Variants in PTPRN2 observed in about 807,000 individuals in gnomAD.
The protein encoded by PTPRN2 is protein tyrosine phosphatase receptor type N2.
Under a neutral mutation model 118.8 loss-of-function variants are expected in PTPRN2, and 74 were observed. That is an observed-to-expected ratio of 0.62 (90% CI 0.52 to 0.76). The LOEUF is 0.76. PTPRN2 is among the 30% of genes least tolerant of loss of function. The pLI is 0.00. For synonymous variants in PTPRN2, 641 were observed against 608.0 expected, an observed-to-expected ratio of 1.05 and a Z score of -0.80; for missense variants, 1,481 against 1,394.4, an observed-to-expected ratio of 1.06 and a Z score of -0.99.
chr7:157,998,413 C>T (rs1804952177), intron 11 of PTPRN2, among the ~76,000 whole-genome samples: 1 of 152,218 alleles, frequency 6.6e-6, no homozygotes. Flanking sequence ...CAGCAGACCA[C>T]CTGCGTGAGA....
intron 2 of PTPRN2, among the ~76,000 whole-genome samples, chr7:158,443,169 C>T (rs967963765): frequency 5.9e-5 from 9 of 152,082 alleles, no homozygotes; most frequent in African/African-American, 2.2e-4. Flanking sequence ...GGTCACTGGG[C>T]GAGCGGGTCT....
At chr7:157,692,150 C>T (rs1293177487) in intron 12 of PTPRN2, among the ~76,000 whole-genome samples, 1 of 152,182 alleles carries the variant, frequency 6.6e-6, no homozygotes, top group African/African-American at 2.4e-5. Flanking sequence ...CTAGGCCCCC[C>T]TCTCCCACCG....
chr7:158,455,178 A>G (rs1818375290), intron 2 of PTPRN2, among the ~76,000 whole-genome samples: 1 of 152,298 alleles, frequency 6.6e-6, no homozygotes, highest in Non-Finnish European at 1.5e-5. Context: ...TCAAACATAC[A>G]CGAAAGCAGA....
At chr7:158,287,260 T>C (rs770322505) in intron 3 of PTPRN2, among the ~76,000 whole-genome samples, 60 of 152,142 alleles carry the variant, frequency 3.9e-4, no homozygotes, top group Non-Finnish European at 7.4e-4. Flanking sequence ...TTGTTTATCA[T>C]TTCAACAAAC....
rs939976151 is a variant in PTPRN2 at position 157,884,716 on chromosome 7, C to G, written c.1788+13957G>C. On this transcript the variant is annotated intron_variant, in intron 12 of 22. Coordinates refer to ENST00000389418, the MANE Select transcript of PTPRN2 (RefSeq NM_002847.5). ...GTGCAGGGAAACTGCCCTTTATAAA[C>G]CATCAGATCTCATGAGACTCATTGA... Among the ~76,000 whole-genome samples the G allele has an allele frequency of 3.3e-5, 5 of 152,320 alleles. No individual in the cohort carries two copies. The South Asian group carries it at 1.0e-3, about 32-fold the overall frequency.
rs186505088 is a variant in PTPRN2, at chr7:157,685,537, G to A, written c.1789-2600C>T. On this transcript the variant is annotated intron_variant, in intron 12 of 22. Coordinates refer to ENST00000389418, the MANE Select transcript of PTPRN2 (RefSeq NM_002847.5). Reference sequence around the variant, plus strand: ...CGCTGCCCGCGGTCACTCGGGCCAGGTGAGGGCAGGGGACGCGCGGGGGCC... The same window carrying A: ...CGCTGCCCGCGGTCACTCGGGCCAGATGAGGGCAGGGGACGCGCGGGGGCC... 4.4e-3 allele frequency among the ~76,000 whole-genome samples: 671 copies of A among 152,260 alleles called. 4 individuals carry two copies. The highest frequency in any genetic ancestry group is 0.017 in the Middle Eastern group (5 of 292).
intron 2 of PTPRN2, among the ~76,000 whole-genome samples, chr7:158,420,235 G>A (rs1211796794): frequency 1.3e-5 from 2 of 152,134 alleles, no homozygotes; most frequent in Non-Finnish European, 2.9e-5. Context: ...GCACCCCAAA[G>A]CTGCAGTGAG....
chr7:157,639,933 T>C (rs952180009), intron 14 of PTPRN2, among the ~76,000 whole-genome samples: 2 of 152,178 alleles, frequency 1.3e-5, no homozygotes, highest in African/African-American at 2.4e-5. Context: ...GACATGAAGA[T>C]AGTCTCAGTT....
chr7:158,205,775 G>A (rs1238080223), intron 3 of PTPRN2, among the ~76,000 whole-genome samples: 2 of 152,174 alleles, frequency 1.3e-5, no homozygotes, highest in Non-Finnish European at 2.9e-5. Flanking sequence ...ATGCACTTGG[G>A]AGAGAGAGCA....
chr7:158,113,985 C>T (rs2150376571), intron 9 of PTPRN2, among the ~76,000 whole-genome samples: 1 of 152,356 alleles, frequency 6.6e-6, no homozygotes. Flanking sequence ...CTCAGAGCCA[C>T]CTGGGGAGGG....
chr7:157,766,127 C>T (rs1226598323), intron 12 of PTPRN2, among the ~76,000 whole-genome samples: 4 of 149,770 alleles, frequency 2.7e-5, no homozygotes, highest in Non-Finnish European at 5.9e-5. Flanking sequence ...CATCATCCAT[C>T]TACTTATCCA....
At position 158,248,532 on chromosome 7, in the gene PTPRN2, AC is replaced by A. The variant is rs1173039522; in HGVS notation, c.278-43260del. 2.1e-5 allele frequency among the ~76,000 whole-genome samples: 3 copies of A among 146,166 alleles called. No homozygotes were observed. The East Asian group carries it at 6.1e-4, about 30-fold the overall frequency. On this transcript the variant is annotated intron_variant, in intron 3 of 22. Transcript: ENST00000389418. ...AACAAAACAAAACACTCCCACACAC[AC>A]CCCATGCACACATATCACATATGTG...
At chr7:158,096,758 G>A (rs796602197) in intron 10 of PTPRN2, among the ~76,000 whole-genome samples, 1 of 152,212 alleles carries the variant, frequency 6.6e-6, no homozygotes, top group Non-Finnish European at 1.5e-5. Flanking sequence ...TTCCTCACTT[G>A]GCAAATCCAG....
At chr7:158,498,410 G>T (rs768306043) in intron 1 of PTPRN2, among the ~76,000 whole-genome samples, 4 of 150,912 alleles carry the variant, frequency 2.7e-5, no homozygotes, top group Non-Finnish European at 5.9e-5. Context: ...TACCAGAATT[G>T]TTTGTTTTAT....
At chr7:158,244,811 AGT>A (rs1336939325) in intron 3 of PTPRN2, among the ~76,000 whole-genome samples, 2 of 141,998 alleles carry the variant, frequency 1.4e-5, no homozygotes, top group Non-Finnish European at 3.0e-5. Flanking sequence ...TGTGTGTGAG[AGT>A]GTGTATGAGT....
chr7:158,232,515 C>T (rs1389665528), intron 3 of PTPRN2, among the ~76,000 whole-genome samples: 1 of 151,958 alleles, frequency 6.6e-6, no homozygotes, highest in East Asian at 1.9e-4. Flanking sequence ...TTCTACCAAA[C>T]ATTTGAAGAA....
chr7:158,152,211 G>C (rs35659509), intron 6 of PTPRN2, among the ~76,000 whole-genome samples: 91,137 of 145,760 alleles, frequency 0.63, 29,353 homozygotes, highest in East Asian at 0.79. Flanking sequence ...CACAGAATAT[G>C]TGGTGGTGAT....
chr7:157,541,450 G>T (rs192430933), intron 22 of PTPRN2, among the ~76,000 whole-genome samples: 2 of 152,388 alleles, frequency 1.3e-5, no homozygotes, highest in Admixed American at 1.3e-4. Context: ...CATCCAGTGG[G>T]CACGAGGGAC....
chr7:158,169,205 G>T (rs938686469), intron 5 of PTPRN2, among the ~76,000 whole-genome samples: 10 of 152,136 alleles, frequency 6.6e-5, no homozygotes. Flanking sequence ...AGCAACCTGG[G>T]AGTTGGGAAG....
Sources: allele counts gnomAD v4.1 joint callset (sites outside exome capture counted in the v4.1 genomes callset), GRCh38; gene constraint gnomAD v4.1.1; transcripts MANE v1.5; gene names NCBI Gene and HGNC (gene_info 2026-07-23, HGNC 2026-07-21).